Variants in CSNK1G1 observed in about 807,000 individuals in gnomAD.
CSNK1G1 encodes casein kinase I isoform gamma-1.
A neutral mutation model predicts 59.6 loss-of-function variants in CSNK1G1; 22 were observed. The ratio of observed to expected loss-of-function variants is 0.37; its 90% CI spans 0.26 to 0.53. The LOEUF (loss-of-function observed/expected upper bound fraction) is 0.53. Among genes scored for constraint, CSNK1G1 ranks in the 20% least tolerant of loss-of-function variants. The probability of loss-of-function intolerance (pLI) is 0.89; values close to 1 mark genes in which losing one functional copy is unlikely to be tolerated. For missense variants in CSNK1G1, 384 were observed against 519.5 expected, an observed-to-expected ratio of 0.74 and a Z score of 2.54; for synonymous variants, 179 against 177.1, an observed-to-expected ratio of 1.01 and a Z score of -0.08.
At position 64,204,919 on chromosome 15, in the gene CSNK1G1, T is replaced by C; in HGVS notation, c.796A>G (p.Ile266Val). The C allele has an allele frequency of 6.2e-7, 1 of 1,609,434 alleles. No individual in the cohort carries two copies. The highest frequency in any genetic ancestry group is 8.5e-7 in the Non-Finnish European group (1 of 1,175,914). The change falls in exon 8 of 12, where the codon ATT (isoleucine) becomes GTT (valine). Residue 266 changes from isoleucine (I) to valine (V), a missense_variant. Transcript: ENST00000303052. ...GGAGTATTCCTTTTGGTGTCACCAA[T>C]TTTTTGATATCTCTCTTTTAATGTG... ...ADTLKERYQK[I>V]GDTKRNTPIE...
chr15:64,197,964 CCATCT>C (rs1241675273), intron 10 of CSNK1G1, among the ~76,000 whole-genome samples: 2 of 152,072 alleles, frequency 1.3e-5, no homozygotes, highest in East Asian at 3.9e-4. Flanking sequence ...AATGCCTCTT[CCATCT>C]CATTTAATTC....
At chr15:64,324,138 TGACTTACACTAC>T (rs914599422) in intron 1 of CSNK1G1, among the ~76,000 whole-genome samples, 2 of 152,222 alleles carry the variant, frequency 1.3e-5, no homozygotes, top group Admixed American at 1.3e-4. Flanking sequence ...CAAAAGCCCC[TGACTTACACTAC>T]TATGTATTTA....
At chr15:64,353,455 G>A (rs939819615) in intron 1 of CSNK1G1, among the ~76,000 whole-genome samples, 2 of 151,786 alleles carry the variant, frequency 1.3e-5, no homozygotes, top group African/African-American at 4.8e-5. Flanking sequence ...CACCATCCTG[G>A]CTAACATGAT....
rs185599002 is a variant in CSNK1G1 at position 64,191,454 on chromosome 15, G to A, written c.1108-11000C>T. 5.4e-3 allele frequency among the ~76,000 whole-genome samples: 819 copies of A among 152,250 alleles called. 9 individuals carry two copies. The highest frequency in any genetic ancestry group is 0.024 in the Middle Eastern group (7 of 294). ...TTTAAAGTTAAGAAAACCCTGGACA[G>A]CTGATCAACAATTATTTCCATTTTT... On this transcript the variant is annotated intron_variant, in intron 10 of 11. Coordinates refer to ENST00000303052, the MANE Select transcript of CSNK1G1 (RefSeq NM_022048.5).
At chr15:64,248,248 C>T (rs1468016421) in intron 4 of CSNK1G1, among the ~76,000 whole-genome samples, 1 of 152,188 alleles carries the variant, frequency 6.6e-6, no homozygotes, top group Non-Finnish European at 1.5e-5. Flanking sequence ...AAGTTAAAAA[C>T]AAGCTCTGGT....
intron 4 of CSNK1G1, among the ~76,000 whole-genome samples, chr15:64,235,014 T>TA (rs1392361199): frequency 6.6e-6 from 1 of 152,116 alleles, no homozygotes; most frequent in African/African-American, 2.4e-5. Context: ...GACAAAATGA[T>TA]ACTGGTAGAC....
chr15:64,217,698 C>A (rs2082330209), intron 4 of CSNK1G1, among the ~76,000 whole-genome samples: 2 of 151,924 alleles, frequency 1.3e-5, no homozygotes, highest in Non-Finnish European at 2.9e-5. Flanking sequence ...CACCTATAGT[C>A]CCAGCTACTC....
chr15:64,219,521 T>C (rs2082357754), intron 4 of CSNK1G1, among the ~76,000 whole-genome samples: 1 of 151,932 alleles, frequency 6.6e-6, no homozygotes. Context: ...GGCAGTGGTA[T>C]GACCATGGCT....
intron 4 of CSNK1G1, among the ~76,000 whole-genome samples, chr15:64,221,534 AG>A (rs2082388273): frequency 6.6e-6 from 1 of 152,064 alleles, no homozygotes; most frequent in Admixed American, 6.6e-5. Context: ...GGATGCTCAA[AG>A]CAACTTCTAG....
intron 6 of CSNK1G1, 142 bp from the exon 7 acceptor site, chr15:64,207,736 T>C: frequency 1.6e-6 from 1 of 629,800 alleles, no homozygotes. Flanking sequence ...CCAAGGATAG[T>C]ATTTTAGATC....
chr15:64,183,190 C>A (rs2081842668), intron 10 of CSNK1G1, among the ~76,000 whole-genome samples: 1 of 152,196 alleles, frequency 6.6e-6, no homozygotes, highest in African/African-American at 2.4e-5. Context: ...CAGCGTTTCA[C>A]ATGGCTTATA....
intron 3 of CSNK1G1, among the ~76,000 whole-genome samples, chr15:64,254,175 G>A (rs1387373805): frequency 6.6e-6 from 1 of 151,552 alleles, no homozygotes; most frequent in Non-Finnish European, 1.5e-5. Context: ...TAAGTATCTA[G>A]TGTAGTCAAA....
At position 64,217,378 on chromosome 15, in the gene CSNK1G1, T is replaced by C. The variant is rs577395248; in HGVS notation, c.293-665A>G. On this transcript the variant is annotated intron_variant, in intron 4 of 11. Coordinates refer to ENST00000303052, the MANE Select transcript of CSNK1G1 (RefSeq NM_022048.5). The stretch of plus-strand genomic sequence containing the variant: ...AACACAAGGCTGGGTTTTCCCCAGA[T>C]TTGAAATTCATAACTATTAAGAAGC... Among the ~76,000 whole-genome samples the C allele has an allele frequency of 3.3e-5, 5 of 152,366 alleles. No individual in the cohort carries two copies. In the South Asian group the frequency reaches 8.3e-4, roughly 25 times the overall value.
chr15:64,336,663 T>C (rs1400612465), intron 1 of CSNK1G1, among the ~76,000 whole-genome samples: 1 of 152,116 alleles, frequency 6.6e-6, no homozygotes, highest in Non-Finnish European at 1.5e-5. Context: ...CTGACATAGA[T>C]ATAACAAACT....
chr15:64,333,743 GAAGT>G (rs2140462503), intron 1 of CSNK1G1, among the ~76,000 whole-genome samples: 1 of 152,182 alleles, frequency 6.6e-6, no homozygotes, highest in South Asian at 2.1e-4. Flanking sequence ...CCAAAAGCAA[GAAGT>G]AATAGCTGTT....
chr15:64,292,043 A>G (rs1260171493), intron 2 of CSNK1G1, among the ~76,000 whole-genome samples: 2 of 151,674 alleles, frequency 1.3e-5, no homozygotes, highest in Non-Finnish European at 2.9e-5. Flanking sequence ...CTAAAAATAC[A>G]CATATTAAAA....
chr15:64,188,445 G>A lies in CSNK1G1; in HGVS notation c.1108-7991C>T. On this transcript the variant is annotated intron_variant, in intron 10 of 11. Transcript: ENST00000303052. The surrounding 1 kb of genome is among the most constrained non-coding windows in gnomAD (Gnocchi z 4.2). ...GTATGAGGTATTGGTCTGCCGGCTG[G>A]GCTGAATTTCCCACTCTCCTCGGCG... The A allele has an allele frequency of 6.5e-7, 1 of 1,536,112 alleles. No individual in the cohort carries two copies. The highest frequency in any genetic ancestry group is 8.7e-7 in the Non-Finnish European group (1 of 1,146,912).
At position 64,166,039 on chromosome 15, in the gene CSNK1G1, G is replaced by A. The variant is rs1482578110; in HGVS notation, c.*5892C>T. 4.4e-6 allele frequency: 3 copies of A among 676,734 alleles called. No homozygotes were observed. The highest frequency in any genetic ancestry group is 8.0e-6 in the Non-Finnish European group (3 of 374,710). 41.9% of individuals were successfully genotyped at this position (676,734 alleles called of 1,614,324 possible). ...TACTACAAATTTCATTTTCACAGCT[G>A]AGCTTTGTGACCAGTGCCAGGGTTT... On this transcript the variant is annotated 3_prime_UTR_variant, in exon 12 of 12. Transcript: ENST00000303052. This position sits in a 1 kb window ranked among gnomAD's most constrained non-coding sequence, Gnocchi z 4.5.
chr15:64,317,331 C>T (rs1009630019), intron 1 of CSNK1G1, among the ~76,000 whole-genome samples: 52 of 152,166 alleles, frequency 3.4e-4, no homozygotes, highest in Middle Eastern at 3.4e-3. Flanking sequence ...TCAGGTGATC[C>T]GCCAGCCTTG....
Sources: allele counts gnomAD v4.1 joint callset (sites outside exome capture counted in the v4.1 genomes callset), GRCh38; gene constraint gnomAD v4.1.1; non-coding constraint Gnocchi (gnomAD v3.1); transcripts MANE v1.5; gene names NCBI Gene and HGNC (gene_info 2026-07-23, HGNC 2026-07-21).